CDH23: variants seen among roughly 807,000 people sequenced by gnomAD.
CDH23 encodes cadherin-23.
CDH23 carries 189 observed loss-of-function variants against 317.1 expected under a neutral mutation model. That is an observed-to-expected ratio of 0.60 (90% CI 0.53 to 0.67). CDH23 has a LOEUF of 0.67. CDH23 is among the 30% of genes least tolerant of loss of function. The probability of loss-of-function intolerance (pLI) is 0.00; values close to 1 mark genes in which losing one functional copy is unlikely to be tolerated. For synonymous variants in CDH23, 1,839 were observed against 1,876.8 expected (o/e 0.98, Z 0.52); for missense variants, 4,401 against 4,592.4 (o/e 0.96, Z 1.20).
intron 69 of CDH23, among the ~76,000 whole-genome samples, chr10:71,813,839 C>T (rs1011236458): frequency 5.3e-5 from 8 of 151,932 alleles, no homozygotes; most frequent in African/African-American, 1.9e-4. Flanking sequence ...ACCCAGGAGG[C>T]GGAGGTTGAA....
chr10:71,790,571 A>G (rs1046989715), intron 46 of CDH23, among the ~76,000 whole-genome samples, 158 bp downstream of exon 46: 18 of 152,060 alleles, frequency 1.2e-4, no homozygotes, highest in Admixed American at 8.5e-4. Context: ...GCTGGGTTAT[A>G]TCACCCAGTG....
intron 11 of CDH23, among the ~76,000 whole-genome samples, chr10:71,637,812 C>T (rs1862346813): frequency 6.6e-6 from 1 of 152,120 alleles, no homozygotes; most frequent in Non-Finnish European, 1.5e-5. Context: ...AGAGCCCTGG[C>T]CCTTTATCTT....
intron 6 of CDH23, among the ~76,000 whole-genome samples, chr10:71,565,431 C>T (rs1274861208): frequency 2.0e-5 from 3 of 152,060 alleles, no homozygotes; most frequent in African/African-American, 7.2e-5. Flanking sequence ...CCAGAACTTC[C>T]CATTGGCAGA....
chr10:71,791,056 C>A lies in CDH23; in HGVS notation c.6050-76C>A. The stretch of plus-strand genomic sequence containing the variant: ...TGCCCCTGTCTTTCTCTGCTCTCTC[C>A]CTGTTGGTTCTTGCCCTGTCTTCCC... On this transcript the variant is annotated intron_variant, in intron 46 of 69. Coordinates refer to ENST00000224721, the MANE Select transcript of CDH23 (RefSeq NM_022124.6). 3.5e-6 allele frequency: 4 copies of A among 1,145,668 alleles called. No homozygotes were observed. The South Asian group carries it at 5.5e-5, about 16-fold the overall frequency. The allele number at this position is 1,145,668 out of a possible 1,614,324, so 71.0% of individuals were successfully genotyped here. A position where few individuals can be genotyped will look rare whatever the true frequency, so the allele number is the denominator to read the frequency against.
intron 3 of CDH23, among the ~76,000 whole-genome samples, chr10:71,461,384 GC>G (rs1399165409): frequency 6.6e-6 from 1 of 152,228 alleles, no homozygotes; most frequent in Non-Finnish European, 1.5e-5. Context: ...GTACCTGTCA[GC>G]CCACAAGACA....
At chr10:71,528,174 G>A (rs962919512) in intron 6 of CDH23, among the ~76,000 whole-genome samples, 16 of 152,140 alleles carry the variant, frequency 1.1e-4, no homozygotes, top group Non-Finnish European at 1.9e-4. Context: ...AAAGGGTCTC[G>A]TAGCATTCCT....
intron 36 of CDH23, 98 bp downstream of exon 36, chr10:71,739,870 C>T (rs1012580403): frequency 7.2e-7 from 1 of 1,382,208 alleles, no homozygotes; most frequent in South Asian, 1.5e-5. Flanking sequence ...TCAGCACACT[C>T]TGGTGGTCAG....
intron 35 of CDH23, among the ~76,000 whole-genome samples, chr10:71,739,351 C>T (rs541944815): frequency 3.8e-4 from 58 of 152,276 alleles, no homozygotes; most frequent in African/African-American, 1.3e-3. Flanking sequence ...GAGCACAATC[C>T]CCTCTACCCT....
At chr10:71,702,833 G>A (rs925463678) in intron 24 of CDH23, 139 bp downstream of exon 24, 1 of 949,744 alleles carries the variant, frequency 1.1e-6, no homozygotes, top group Non-Finnish European at 1.6e-6. Context: ...TGGAGATGTG[G>A]AGGGAAGTGT....
At chr10:71,655,948 T>C (rs1182978131) in intron 14 of CDH23, among the ~76,000 whole-genome samples, 6 of 152,106 alleles carry the variant, frequency 3.9e-5, no homozygotes, top group Non-Finnish European at 8.8e-5. Context: ...GACAAGCATA[T>C]GCAGAAGACT....
chr10:71,784,628 A>G (rs1344214604), intron 42 of CDH23, among the ~76,000 whole-genome samples: 2 of 151,884 alleles, frequency 1.3e-5, no homozygotes, highest in African/African-American at 4.8e-5. Flanking sequence ...CTCTGCACCC[A>G]ACCCCTGCCC....
rs141415956 is a variant in CDH23 at position 71,732,822 on chromosome 10, G to A, written c.4104+447G>A. 19 of 515,982 alleles carry A rather than the reference G, an allele frequency of 3.7e-5. No individual in the cohort carries two copies. The East Asian group carries it at 1.1e-3, about 29-fold the overall frequency. The allele number at this position is 515,982 out of a possible 1,614,324, so 32.0% of individuals were successfully genotyped here. ...GTGTGTGGGGTTTTCCCCCATTATC[G>A]GCAACCAATTATCTGACTCTCTTGA... On this transcript the variant is annotated intron_variant, in intron 32 of 69. Transcript: ENST00000224721.
chr10:71,649,968 C>T (rs1863085467), intron 14 of CDH23, among the ~76,000 whole-genome samples: 1 of 152,202 alleles, frequency 6.6e-6, no homozygotes, highest in South Asian at 2.1e-4. Flanking sequence ...ATATCCCAAG[C>T]CACAGGCTCT....
At chr10:71,504,734 C>A (rs992139939) in intron 3 of CDH23, among the ~76,000 whole-genome samples, 3 of 152,160 alleles carry the variant, frequency 2.0e-5, no homozygotes, top group African/African-American at 7.2e-5. Context: ...ACGGGTGGAG[C>A]TTTTCTCTGC....
In CDH23 at chr10:71,677,682, G is replaced by T; in HGVS notation, c.1741G>T (p.Val581Leu). The T allele has an allele frequency of 6.4e-7, 1 of 1,560,220 alleles. No homozygotes were observed. The highest frequency in any genetic ancestry group is 8.7e-7 in the Non-Finnish European group (1 of 1,152,222). ...RENEPSVTQL[V>L]RLRATDEDSP... ...GAACGAGCCTTCTGTCACACAGCTG[G>T]TGCGGCTCCGGGTAAGGTGCCAGGG... Residue 581 changes from valine to leucine, a missense_variant, in exon 16 of 70, where the codon GTG (valine) becomes TTG (leucine). Val to Leu is a conservative substitution (Grantham distance 32). Coordinates refer to ENST00000224721, the MANE Select transcript of CDH23 (RefSeq NM_022124.6).
intron 1 of CDH23, among the ~76,000 whole-genome samples, chr10:71,412,505 G>T (rs1848382219): frequency 6.6e-6 from 1 of 152,070 alleles, no homozygotes; most frequent in South Asian, 2.1e-4. Context: ...TGGTTGTCTT[G>T]CTGTGTTGAC....
rs149850117 is a variant in CDH23 at position 71,557,856 on chromosome 10, G to A, written c.430-8886G>A. 2.0e-4 allele frequency among the ~76,000 whole-genome samples: 30 copies of A among 152,234 alleles called. No individual in the cohort carries two copies. The East Asian group carries it at 5.8e-3, about 29-fold the overall frequency. On this transcript the variant is annotated intron_variant, in intron 6 of 69. Coordinates refer to ENST00000224721, the MANE Select transcript of CDH23 (RefSeq NM_022124.6). ...TAATCAACGTTTTTGAAACTTCATGGTTTTATGCCTCAGTATGAGTCTTTC... is the reference window on the plus strand; with the variant it reads ...TAATCAACGTTTTTGAAACTTCATGATTTTATGCCTCAGTATGAGTCTTTC...
intron 55 of CDH23, 32 bp downstream of exon 55, chr10:71,803,452 A>G: frequency 1.3e-6 from 2 of 1,539,112 alleles, no homozygotes; most frequent in Non-Finnish European, 1.8e-6. Context: ...CCTGCCCACC[A>G]GTATTTCCTT....
chr10:71,664,219 C>T (rs893655216), intron 14 of CDH23, among the ~76,000 whole-genome samples: 4 of 152,154 alleles, frequency 2.6e-5, no homozygotes, highest in African/African-American at 7.2e-5. Context: ...TTTGACATAC[C>T]GTAATTGCTT....
Sources: gnomAD v4.1 joint callset for allele counts (sites outside exome capture counted in the v4.1 genomes callset) on GRCh38, gnomAD v4.1.1 for gene constraint, MANE v1.5 for transcripts, NCBI Gene and HGNC (gene_info 2026-07-23, HGNC 2026-07-21) for gene names.